PCDHA1: variants seen among roughly 807,000 people sequenced by gnomAD.
PCDHA1 encodes protocadherin alpha 1, also known as protocadherin alpha-1.
In PCDHA1, 42 loss-of-function variants were observed where a neutral mutation model predicts 61.3. The observed-to-expected ratio is 0.69, with a 90% CI of 0.54 to 0.89. The LOEUF is 0.89. Among genes scored for constraint, PCDHA1 ranks in the 40% least tolerant of loss-of-function variants. The probability of loss-of-function intolerance (pLI) is 0.00; values close to 1 mark genes in which losing one functional copy is unlikely to be tolerated. For synonymous variants in PCDHA1, 610 were observed against 553.8 expected (o/e 1.10, Z -1.43); for missense variants, 1,256 against 1,235.3 (o/e 1.02, Z -0.25).
At chr5:140,865,351 A>G (rs1452149063) in intron 1 of PCDHA1, 4 of 152,204 alleles carry the variant, frequency 2.6e-5, no homozygotes, top group African/African-American at 7.2e-5. Context: ...GTATATTTAC[A>G]TATTGCAGGA....
chr5:140,905,948 G>A (rs2072228532), intron 1 of PCDHA1, among the ~76,000 whole-genome samples: 3 of 152,180 alleles, frequency 2.0e-5, no homozygotes, highest in Non-Finnish European at 4.4e-5. Flanking sequence ...CTTGGAATCC[G>A]ATGTTCAAGG....
intron 2 of PCDHA1, among the ~76,000 whole-genome samples, chr5:140,981,993 G>A (rs533430599): frequency 6.6e-6 from 1 of 152,272 alleles, no homozygotes; most frequent in Admixed American, 6.5e-5. Flanking sequence ...TAGAAAATAA[G>A]GTTAAGAATT....
At chr5:140,817,791 A>T (rs1003128393) in intron 1 of PCDHA1, among the ~76,000 whole-genome samples, 1 of 152,192 alleles carries the variant, frequency 6.6e-6, no homozygotes, top group Admixed American at 6.5e-5. Flanking sequence ...GCCTGCTGGT[A>T]AAGAAACCTT....
At chr5:140,797,350 A>G (rs781857265) in intron 1 of PCDHA1, 1 of 1,613,806 alleles carries the variant, frequency 6.2e-7, no homozygotes, top group Admixed American at 1.7e-5. Flanking sequence ...ATACGTAGGA[A>G]AGGTGAGTCT....
rs545226629 is a variant in PCDHA1, at chr5:140,856,253, A to G, written c.2394+67569A>G. ...GCGCCTGTTCCGGGTGGCGTCCAAA[A>G]GACACGGGGACCTTCTGGAGGTAAA... On this transcript the variant is annotated intron_variant, in intron 1 of 3. Transcript: ENST00000504120. 2.5e-6 allele frequency: 4 copies of G among 1,597,916 alleles called. No individual in the cohort carries two copies. The African/African-American group carries it at 4.0e-5, about 16-fold the overall frequency.
intron 3 of PCDHA1, among the ~76,000 whole-genome samples, chr5:140,999,739 T>C (rs2097873545): frequency 6.6e-6 from 1 of 152,196 alleles, no homozygotes; most frequent in Admixed American, 6.5e-5. Flanking sequence ...AATGTTTGAA[T>C]CTGGGTTCGC....
intron 1 of PCDHA1, among the ~76,000 whole-genome samples, chr5:140,969,673 G>A (rs1226601717): frequency 3.3e-5 from 5 of 152,170 alleles, no homozygotes; most frequent in African/African-American, 9.7e-5. Flanking sequence ...AATGTTATGA[G>A]ACTCAAGGAG....
intron 1 of PCDHA1, among the ~76,000 whole-genome samples, chr5:140,938,842 G>T (rs2092225940): frequency 1.3e-5 from 2 of 151,980 alleles, no homozygotes; most frequent in African/African-American, 4.8e-5. Context: ...TAACAAACCT[G>T]CCCATGTACC....
At chr5:140,869,180 T>TG in intron 1 of PCDHA1, 1 of 1,613,322 alleles carries the variant, frequency 6.2e-7, no homozygotes. Context: ...TTCTGGGAGG[T>TG]GGGGAGCGGC....
At chr5:140,797,840 G>A (rs10052333) in intron 1 of PCDHA1, among the ~76,000 whole-genome samples, 2,257 of 149,980 alleles carry the variant, frequency 0.015, 54 homozygotes, top group African/African-American at 0.054. Context: ...TAGTTAATAA[G>A]CTACATTTTT....
chr5:140,802,874 C>A, intron 1 of PCDHA1: 2 of 1,613,730 alleles, frequency 1.2e-6, no homozygotes, highest in Non-Finnish European at 1.7e-6. Flanking sequence ...TGGACGAGAA[C>A]GACAACGCGC....
Position 140,847,724 on chromosome 5 carries a change from A to G in PCDHA1, c.2394+59040A>G, listed in dbSNP as rs2150403013. 2.0e-5 allele frequency: 3 copies of G among 150,110 alleles called. No individual in the cohort carries two copies. The South Asian group carries it at 6.3e-4, about 32-fold the overall frequency. 9.3% of individuals were successfully genotyped at this position (150,110 alleles called of 1,614,324 possible). ...ACAGATTGTATAAATGCTACAAAAGAGAAAAATATATTTTCTCCCCACGCA... is the reference window on the plus strand; with the variant it reads ...ACAGATTGTATAAATGCTACAAAAGGGAAAAATATATTTTCTCCCCACGCA... On this transcript the variant is annotated intron_variant, in intron 1 of 3. Transcript: ENST00000504120.
At chr5:140,815,851 G>C (rs767605235) in intron 1 of PCDHA1, 4 of 152,088 alleles carry the variant, frequency 2.6e-5, no homozygotes, top group Non-Finnish European at 4.4e-5. Context: ...TGGTGGATTT[G>C]GTATTCTTGG....
At chr5:140,870,534 G>C (rs547039725) in intron 1 of PCDHA1, 2 of 1,614,032 alleles carry the variant, frequency 1.2e-6, no homozygotes, top group Non-Finnish European at 1.7e-6. Flanking sequence ...TCACAGTGTC[G>C]GCGCGGGACG....
intron 1 of PCDHA1, chr5:140,860,525 C>T (rs1269714360): frequency 1.3e-5 from 2 of 152,112 alleles, no homozygotes; most frequent in Non-Finnish European, 2.9e-5. Context: ...TCATGGAATT[C>T]TGATTTGTAA....
chr5:140,954,433 T>C (rs1554221415), intron 1 of PCDHA1, among the ~76,000 whole-genome samples: 2 of 151,820 alleles, frequency 1.3e-5, no homozygotes, highest in African/African-American at 4.8e-5. Flanking sequence ...TCTCCATCTG[T>C]TGTTTCTGGA....
chr5:140,926,828 C>T (rs2083578925), intron 1 of PCDHA1: 1 of 1,501,376 alleles, frequency 6.7e-7, no homozygotes, highest in African/African-American at 1.4e-5. Flanking sequence ...TCCAGGAGTC[C>T]GGAGCATGGT....
At chr5:140,990,129 A>G (rs868941506) in intron 3 of PCDHA1, among the ~76,000 whole-genome samples, 6 of 152,296 alleles carry the variant, frequency 3.9e-5, no homozygotes, top group Middle Eastern at 3.4e-3. Flanking sequence ...TGTAGAAGTC[A>G]GACTCAAGAG....
chr5:140,966,951 C>G lies in PCDHA1; in HGVS notation c.2395-11998C>G, dbSNP rs781885198. 3.1e-5 allele frequency: 50 copies of G among 1,603,624 alleles called. No individual in the cohort carries two copies. The highest frequency in any genetic ancestry group is 4.2e-5 in the Non-Finnish European group (50 of 1,178,520). The stretch of plus-strand genomic sequence containing the variant: ...CCCGGCGCGCTCGTGGGCAACGTGG[C>G]TCGCGCGCTGGGGCTTGAGCTGCGG... On this transcript the variant is annotated intron_variant, in intron 1 of 3. Coordinates refer to ENST00000504120, the MANE Select transcript of PCDHA1 (RefSeq NM_018900.4).
Sources: allele counts gnomAD v4.1 joint callset (sites outside exome capture counted in the v4.1 genomes callset), GRCh38; gene constraint gnomAD v4.1.1; transcripts MANE v1.5; gene names NCBI Gene and HGNC (gene_info 2026-07-23, HGNC 2026-07-21).